CRADD: variants seen among roughly 807,000 people sequenced by gnomAD.
CRADD encodes the protein CARD and death domain containing adaptor protein.
In CRADD, 9 loss-of-function variants were observed where a neutral mutation model predicts 15.5. The ratio of observed to expected loss-of-function variants is 0.58; its 90% CI spans 0.35 to 1.01. The LOEUF (loss-of-function observed/expected upper bound fraction) is 1.01, where lower values mean the gene tolerates loss of function less well. Among genes scored for constraint, CRADD ranks in the 50% least tolerant of loss-of-function variants. CRADD has a pLI of 0.02. For missense variants in CRADD, 227 were observed against 250.3 expected, an observed-to-expected ratio of 0.91 and a Z score of 0.63; for synonymous variants, 118 against 107.6, an observed-to-expected ratio of 1.10 and a Z score of -0.60.
chr12:93,873,030 A>G (rs1467917507), intron 2 of CRADD, among the ~76,000 whole-genome samples: 1 of 152,094 alleles, frequency 6.6e-6, no homozygotes, highest in Non-Finnish European at 1.5e-5. Context: ...TGATTTTTCC[A>G]ATCTATGAAC....
chr12:93,884,693 A>T (rs563941570), intron 2 of CRADD, among the ~76,000 whole-genome samples: 9 of 152,206 alleles, frequency 5.9e-5, no homozygotes, highest in African/African-American at 1.7e-4. Flanking sequence ...TGCCCAATAA[A>T]TTCCTCTCCT....
chr12:93,804,157 GA>G lies in CRADD; in HGVS notation c.299-45803del, dbSNP rs146107925. 2.2e-3 allele frequency among the ~76,000 whole-genome samples: 325 copies of G among 148,904 alleles called. 2 individuals are homozygous for G. Among genetic ancestry groups the G allele is most frequent in the African/African-American group, 6.4e-3 (261 of 40,746 alleles). On this transcript the variant is annotated intron_variant, in intron 2 of 2. Transcript: ENST00000332896. The stretch of plus-strand genomic sequence containing the variant: ...ACCATCCCATACAAAACACTTAAAT[GA>G]AAAAAAAAATACATACATCTGTAGA...
downstream of CRADD, among the ~76,000 whole-genome samples, chr12:93,853,752 G>A (rs1227245864): frequency 1.3e-5 from 2 of 152,188 alleles, no homozygotes; most frequent in Non-Finnish European, 2.9e-5. Context: ...TTCTGGGAGG[G>A]CAAATGAATT....
chr12:93,700,655 C>T (rs1955823146), intron 2 of CRADD, among the ~76,000 whole-genome samples: 2 of 152,202 alleles, frequency 1.3e-5, no homozygotes, highest in Admixed American at 1.3e-4. Flanking sequence ...TGGTCTCGAT[C>T]TCCTGACCTC....
intron 2 of CRADD, among the ~76,000 whole-genome samples, chr12:93,888,115 T>C (rs1003284248): frequency 1.3e-5 from 2 of 152,162 alleles, no homozygotes; most frequent in African/African-American, 2.4e-5. Context: ...AGATTCAGTC[T>C]GGACAGACTG....
At chr12:93,746,153 G>T (rs1336201328) in intron 2 of CRADD, among the ~76,000 whole-genome samples, 1 of 152,198 alleles carries the variant, frequency 6.6e-6, no homozygotes, top group Non-Finnish European at 1.5e-5. Flanking sequence ...GAAAATTAAT[G>T]AGCTACAGGA....
intron 2 of CRADD, chr12:93,837,157 CATGTGAGAGAA>C (rs77537504): frequency 0.13 from 19,547 of 152,186 alleles, 1,691 homozygotes; most frequent in Non-Finnish European, 0.19. Flanking sequence ...GTGTCTGGTC[CATGTGAGAGAA>C]ATGAATGGCC....
At chr12:93,840,869 A>G (rs1273594581) in intron 2 of CRADD, among the ~76,000 whole-genome samples, 1 of 152,184 alleles carries the variant, frequency 6.6e-6, no homozygotes, top group Non-Finnish European at 1.5e-5. Context: ...AGGACGTCCA[A>G]TACTGTATTC....
chr12:93,766,903 T>G (rs1957032175), intron 2 of CRADD, among the ~76,000 whole-genome samples: 1 of 152,196 alleles, frequency 6.6e-6, no homozygotes, highest in Non-Finnish European at 1.5e-5. Context: ...GAATGAAACT[T>G]TCCTATAGGG....
chr12:93,868,937 A>C (rs1958394723), intron 2 of CRADD, among the ~76,000 whole-genome samples: 1 of 152,184 alleles, frequency 6.6e-6, no homozygotes, highest in Admixed American at 6.5e-5. Context: ...ATTATGTACA[A>C]AATCTTCTCA....
At chr12:93,797,781 A>G (rs1487873477) in intron 2 of CRADD, among the ~76,000 whole-genome samples, 1 of 152,236 alleles carries the variant, frequency 6.6e-6, no homozygotes, top group East Asian at 1.9e-4. Flanking sequence ...ATATATCAAT[A>G]GCAATATTAA....
chr12:93,700,568 C>T (rs750101482), intron 2 of CRADD, among the ~76,000 whole-genome samples: 10 of 151,926 alleles, frequency 6.6e-5, no homozygotes, highest in East Asian at 3.9e-4. Context: ...GTAGCTGGAA[C>T]GACAGGCGCC....
chr12:93,885,227 C>T (rs1958527937), intron 2 of CRADD, among the ~76,000 whole-genome samples: 1 of 152,190 alleles, frequency 6.6e-6, no homozygotes, highest in Non-Finnish European at 1.5e-5. Flanking sequence ...AGGTCAAAGA[C>T]ACCGTAATTG....
Position 93,799,093 on chromosome 12 carries a change from C to T in CRADD, c.299-50877C>T, listed in dbSNP as rs75031938. Among the ~76,000 whole-genome samples, 135 of 152,172 alleles carry T rather than the reference C, an allele frequency of 8.9e-4. 1 individual carries two copies. In the East Asian group the frequency reaches 0.024, roughly 27 times the overall value. On this transcript the variant is annotated intron_variant, in intron 2 of 2. Coordinates refer to ENST00000332896, the MANE Select transcript of CRADD (RefSeq NM_003805.5). ...TTTCTACCAGGGTAACTTTGGTTTC[C>T]TTATATTAATATAAGGGACTTGAAC...
rs942519649 is a variant in CRADD, at chr12:93,701,667, C to G, written c.298+22595C>G. On this transcript the variant is annotated intron_variant, in intron 2 of 2. Coordinates refer to ENST00000332896, the MANE Select transcript of CRADD (RefSeq NM_003805.5). ...TTTACTGCTTTGAAGATTCCAAATT[C>G]CTGAGAATATGATTCAGTTAGTGAG... Among the ~76,000 whole-genome samples the G allele has an allele frequency of 3.9e-5, 6 of 152,174 alleles. No individual in the cohort carries two copies. In the South Asian group the frequency reaches 6.2e-4, roughly 16 times the overall value.
chr12:93,839,195 A>G (rs1457482707), intron 2 of CRADD, among the ~76,000 whole-genome samples: 2 of 151,946 alleles, frequency 1.3e-5, no homozygotes, highest in South Asian at 2.1e-4. Flanking sequence ...GCTGTTTTGT[A>G]TTTCTATATC....
At chr12:93,689,281 T>C (rs1489291101) in intron 2 of CRADD, among the ~76,000 whole-genome samples, 2 of 152,172 alleles carry the variant, frequency 1.3e-5, no homozygotes, top group African/African-American at 4.8e-5. Context: ...CTTAGCAAGG[T>C]AGTGTTCTCT....
intron 2 of CRADD, among the ~76,000 whole-genome samples, chr12:93,723,743 A>G (rs114881255): frequency 0.016 from 2,464 of 152,290 alleles, 61 homozygotes; most frequent in African/African-American, 0.055. Context: ...CTCTTGTCCT[A>G]TGAGTAGGTC....
At chr12:93,868,544 A>C (rs1416863872) in intron 2 of CRADD, among the ~76,000 whole-genome samples, 1 of 152,194 alleles carries the variant, frequency 6.6e-6, no homozygotes, top group Non-Finnish European at 1.5e-5. Flanking sequence ...AAATGTTATA[A>C]AATAGAATAT....
Sources: allele counts gnomAD v4.1 joint callset (sites outside exome capture counted in the v4.1 genomes callset), GRCh38; gene constraint gnomAD v4.1.1; transcripts MANE v1.5; gene names NCBI Gene and HGNC (gene_info 2026-07-23, HGNC 2026-07-21).